Variants in PTPRO observed in about 807,000 individuals in gnomAD.
The protein encoded by PTPRO is receptor-type tyrosine-protein phosphatase O.
PTPRO carries 62 observed loss-of-function variants against 145.2 expected under a neutral mutation model. That is an observed-to-expected ratio of 0.43 (90% CI 0.35 to 0.53). PTPRO has a LOEUF of 0.53. PTPRO is among the 20% of genes least tolerant of loss of function. The pLI is 0.01. For missense variants in PTPRO, 1,345 were observed against 1,482.7 expected, an observed-to-expected ratio of 0.91 and a Z score of 1.53; for synonymous variants, 565 against 514.7, an observed-to-expected ratio of 1.10 and a Z score of -1.32.
At chr12:15,579,861 T>C (rs1485757904) in intron 20 of PTPRO, among the ~76,000 whole-genome samples, 178 bp from the exon 21 acceptor site, 1 of 152,192 alleles carries the variant, frequency 6.6e-6, no homozygotes, top group Non-Finnish European at 1.5e-5. Context: ...TTGGAAGATA[T>C]TCACTTATTT....
chr12:15,524,122 G>T (rs1942785797), intron 10 of PTPRO, among the ~76,000 whole-genome samples: 1 of 139,936 alleles, frequency 7.1e-6, no homozygotes, highest in South Asian at 2.3e-4. Context: ...AGATGATAAA[G>T]TAGCAAGCTC....
intron 1 of PTPRO, among the ~76,000 whole-genome samples, chr12:15,437,824 T>C (rs555439553): frequency 6.6e-6 from 1 of 152,296 alleles, no homozygotes; most frequent in South Asian, 2.1e-4. Flanking sequence ...GGATTCTCAC[T>C]TGATACTGGT....
At chr12:15,369,414 A>C (rs1938456862) in intron 1 of PTPRO, among the ~76,000 whole-genome samples, 2 of 152,224 alleles carry the variant, frequency 1.3e-5, no homozygotes, top group South Asian at 4.1e-4. Flanking sequence ...TGAACCTAGC[A>C]GGTAGGATGC....
chr12:15,455,298 C>T (rs1205634033), intron 1 of PTPRO, among the ~76,000 whole-genome samples: 4 of 151,678 alleles, frequency 2.6e-5, no homozygotes, highest in South Asian at 2.1e-4. Context: ...GTTCACCTCC[C>T]CACTGCCCCT....
intron 1 of PTPRO, among the ~76,000 whole-genome samples, chr12:15,466,589 G>A (rs1309992940): frequency 6.6e-6 from 1 of 152,112 alleles, no homozygotes; most frequent in Non-Finnish European, 1.5e-5. Flanking sequence ...TCAAAATTAA[G>A]CACATAGTGT....
chr12:15,464,648 C>T (rs1009167857), intron 1 of PTPRO, among the ~76,000 whole-genome samples: 2 of 151,846 alleles, frequency 1.3e-5, no homozygotes, highest in Non-Finnish European at 2.9e-5. Context: ...TATGAGCCAC[C>T]GTGCCCAGCT....
At chr12:15,479,942 G>C (rs936100974) in intron 1 of PTPRO, among the ~76,000 whole-genome samples, 2 of 152,224 alleles carry the variant, frequency 1.3e-5, no homozygotes, top group African/African-American at 4.8e-5. Flanking sequence ...CAGTCTTGGT[G>C]TGCAGGCGGC....
intron 1 of PTPRO, among the ~76,000 whole-genome samples, chr12:15,341,179 T>C (rs994086276): frequency 6.6e-6 from 1 of 152,228 alleles, no homozygotes; most frequent in African/African-American, 2.4e-5. Flanking sequence ...AGAACAACAT[T>C]AACTCTTAAT....
At chr12:15,433,504 G>A (rs965916810) in intron 1 of PTPRO, among the ~76,000 whole-genome samples, 3 of 152,154 alleles carry the variant, frequency 2.0e-5, no homozygotes, top group African/African-American at 7.2e-5. Context: ...TTACATTTAA[G>A]TCTTTAATCC....
intron 7 of PTPRO, among the ~76,000 whole-genome samples, chr12:15,509,572 C>T (rs1390268410): frequency 6.6e-6 from 1 of 151,424 alleles, no homozygotes; most frequent in Non-Finnish European, 1.5e-5. Context: ...TGGCACGTGC[C>T]TGTAATCCCA....
chr12:15,327,801 G>C (rs2136195136), intron 1 of PTPRO, among the ~76,000 whole-genome samples: 1 of 152,208 alleles, frequency 6.6e-6, no homozygotes, highest in Non-Finnish European at 1.5e-5. Context: ...TGGTGCTGTT[G>C]ACTCCAGCAG....
At chr12:15,578,520 T>A (rs1436508055) in intron 19 of PTPRO, among the ~76,000 whole-genome samples, 1 of 152,162 alleles carries the variant, frequency 6.6e-6, no homozygotes, top group African/African-American at 2.4e-5. Context: ...CAGTTCTGCT[T>A]CAGGCTGTGG....
At chr12:15,379,274 C>G (rs1938782788) in intron 1 of PTPRO, among the ~76,000 whole-genome samples, 1 of 151,376 alleles carries the variant, frequency 6.6e-6, no homozygotes, top group South Asian at 2.1e-4. Flanking sequence ...AATCCCAGCA[C>G]TTTGGAGGCA....
At chr12:15,358,282 T>C (rs1265453388) in intron 1 of PTPRO, among the ~76,000 whole-genome samples, 1 of 149,180 alleles carries the variant, frequency 6.7e-6, no homozygotes, top group Non-Finnish European at 1.5e-5. Context: ...TACCTAATGC[T>C]AAATGACGAG....
chr12:15,357,109 G>A (rs1375484022), intron 1 of PTPRO, among the ~76,000 whole-genome samples: 6 of 152,150 alleles, frequency 3.9e-5, no homozygotes, highest in East Asian at 1.9e-4. Flanking sequence ...CAAGTAATTC[G>A]GTATAAGCAG....
chr12:15,337,815 C>T (rs1417919527), intron 1 of PTPRO, among the ~76,000 whole-genome samples: 1 of 152,166 alleles, frequency 6.6e-6, no homozygotes, highest in Non-Finnish European at 1.5e-5. Flanking sequence ...AAGTCCATCT[C>T]AAAAGGTCTC....
At position 15,433,300 on chromosome 12, in the gene PTPRO, T is replaced by C. The variant is rs895556639; in HGVS notation, c.76-50674T>C. ...AAACAATTCTCCTGCCTCAGCCTCCTGAGTAGCTGGAACTACAAGTGTGTG... is the reference window on the plus strand; with the variant it reads ...AAACAATTCTCCTGCCTCAGCCTCCCGAGTAGCTGGAACTACAAGTGTGTG... On this transcript the variant is annotated intron_variant, in intron 1 of 26. Transcript: ENST00000281171. 2.6e-5 allele frequency among the ~76,000 whole-genome samples: 4 copies of C among 151,478 alleles called. 1 individual carries two copies. In the South Asian group the frequency reaches 6.4e-4, roughly 24 times the overall value.
At chr12:15,352,589 G>T (rs1433763101) in intron 1 of PTPRO, among the ~76,000 whole-genome samples, 2 of 149,098 alleles carry the variant, frequency 1.3e-5, no homozygotes, top group Non-Finnish European at 3.0e-5. Context: ...AGGCGAGCTT[G>T]CAGTGAGCCG....
intron 7 of PTPRO, among the ~76,000 whole-genome samples, chr12:15,513,711 C>A (rs1942515869): frequency 6.6e-6 from 1 of 152,220 alleles, no homozygotes; most frequent in South Asian, 2.1e-4. Context: ...GATTCATGTT[C>A]CTCCTTGGAG....
Sources: gnomAD v4.1 joint callset for allele counts (sites outside exome capture counted in the v4.1 genomes callset) on GRCh38, gnomAD v4.1.1 for gene constraint, MANE v1.5 for transcripts, NCBI Gene and HGNC (gene_info 2026-07-23, HGNC 2026-07-21) for gene names.